Variants in HSF2BP observed in about 807,000 individuals in gnomAD.
HSF2BP encodes heat shock factor 2-binding protein.
HSF2BP carries 35 observed loss-of-function variants against 35.0 expected under a neutral mutation model. The observed-to-expected ratio is 1.00, with a 90% CI of 0.76 to 1.32. The LOEUF (loss-of-function observed/expected upper bound fraction) is 1.32, where lower values mean the gene tolerates loss of function less well. Ranked by LOEUF, HSF2BP falls within the 40% of genes most tolerant of loss-of-function variation. The pLI is 0.00. For synonymous variants in HSF2BP, 114 were observed against 117.4 expected (o/e 0.97, Z 0.18); for missense variants, 326 against 321.7 (o/e 1.01, Z -0.10).
intron 8 of HSF2BP, among the ~76,000 whole-genome samples, chr21:43,587,746 G>A (rs1036812849): frequency 3.6e-4 from 54 of 149,760 alleles, no homozygotes; most frequent in Non-Finnish European, 5.6e-4. Flanking sequence ...AACTTAACAA[G>A]CACCTCATAT....
intron 8 of HSF2BP, among the ~76,000 whole-genome samples, chr21:43,586,921 A>G (rs2081858643): frequency 6.6e-6 from 1 of 151,902 alleles, no homozygotes; most frequent in Non-Finnish European, 1.5e-5. Flanking sequence ...CTTTTCCTCG[A>G]TCTTTTAAAA....
At chr21:43,580,674 T>C (rs547445012) in intron 8 of HSF2BP, among the ~76,000 whole-genome samples, 24 of 152,326 alleles carry the variant, frequency 1.6e-4, no homozygotes, top group Middle Eastern at 3.4e-3. Flanking sequence ...ACTAAAAGGC[T>C]CAACACTGGG....
intron 5 of HSF2BP, among the ~76,000 whole-genome samples, chr21:43,632,893 A>G (rs796086874): frequency 7.6e-6 from 1 of 132,444 alleles, no homozygotes; most frequent in Non-Finnish European, 1.6e-5. Context: ...GTGTGTGTGT[A>G]TGTATAAACA....
At chr21:43,606,798 A>G (rs538853447) in intron 7 of HSF2BP, among the ~76,000 whole-genome samples, 8 of 152,350 alleles carry the variant, frequency 5.3e-5, no homozygotes, top group African/African-American at 1.9e-4. Flanking sequence ...GAAAGGCTGG[A>G]TGTGAAGAGA....
chr21:43,600,316 A>G (rs1210447739), intron 7 of HSF2BP, among the ~76,000 whole-genome samples: 1 of 152,226 alleles, frequency 6.6e-6, no homozygotes, highest in Non-Finnish European at 1.5e-5. Flanking sequence ...ACTAGCAATA[A>G]AAATAAGCAA....
chr21:43,612,171 C>T (rs1044573679), intron 7 of HSF2BP, among the ~76,000 whole-genome samples: 1 of 152,180 alleles, frequency 6.6e-6, no homozygotes. Context: ...TAAACACCAG[C>T]ATTTCCCAAG....
rs554222995 is a variant in HSF2BP, at chr21:43,622,530, A to G, written c.574+7792T>C. ...AAAAAAAACAGGAGTAGCTACATCT[A>G]TATCAGACAAAATAGACTACAAGTC... On this transcript the variant is annotated intron_variant, in intron 6 of 8. Transcript: ENST00000291560. Among the ~76,000 whole-genome samples the G allele has an allele frequency of 1.4e-4, 22 of 152,310 alleles. 1 individual carries two copies. The South Asian group carries it at 3.3e-3, about 23-fold the overall frequency.
At chr21:43,596,836 C>T (rs1295342827) in intron 7 of HSF2BP, among the ~76,000 whole-genome samples, 5 of 147,114 alleles carry the variant, frequency 3.4e-5, no homozygotes, top group African/African-American at 1.0e-4. Flanking sequence ...AGGGTTGTGA[C>T]GGTGCCAGCC....
At chr21:43,656,492 A>G (rs2838340) in intron 3 of HSF2BP, 95 bp downstream of exon 3, 631,659 of 1,167,494 alleles carry the variant, frequency 0.54, 175,058 homozygotes, top group East Asian at 0.65. Flanking sequence ...GGACTGTAAG[A>G]GTACCTTAAA....
chr21:43,650,435 G>A (rs1307396371), intron 3 of HSF2BP, among the ~76,000 whole-genome samples: 2 of 152,054 alleles, frequency 1.3e-5, no homozygotes, highest in South Asian at 2.1e-4. Context: ...TCGATCTCCT[G>A]ACCTCGTGAT....
intron 3 of HSF2BP, among the ~76,000 whole-genome samples, chr21:43,650,331 C>T (rs933954988): frequency 3.3e-5 from 5 of 152,050 alleles, no homozygotes; most frequent in African/African-American, 7.2e-5. Flanking sequence ...CTCAGCCTCC[C>T]GAGTAGCTGG....
chr21:43,579,154 G>A (rs1184332278), intron 8 of HSF2BP, among the ~76,000 whole-genome samples: 1 of 152,204 alleles, frequency 6.6e-6, no homozygotes, highest in Non-Finnish European at 1.5e-5. Context: ...TCAGTTGACT[G>A]TATGCACAGC....
intron 7 of HSF2BP, among the ~76,000 whole-genome samples, chr21:43,605,510 C>T (rs1372325771): frequency 6.8e-6 from 1 of 147,618 alleles, no homozygotes; most frequent in Non-Finnish European, 1.5e-5. Flanking sequence ...CACATATCCC[C>T]CCACGCACCT....
chr21:43,623,312 G>A (rs781567476), intron 6 of HSF2BP, among the ~76,000 whole-genome samples: 8 of 152,034 alleles, frequency 5.3e-5, no homozygotes, highest in African/African-American at 1.9e-4. Flanking sequence ...TGGCAAAAGC[G>A]ATACTAAGAG....
At chr21:43,653,620 G>A (rs1352016651) in intron 3 of HSF2BP, among the ~76,000 whole-genome samples, 1 of 152,186 alleles carries the variant, frequency 6.6e-6, no homozygotes, top group Non-Finnish European at 1.5e-5. Flanking sequence ...TAATGAGTCT[G>A]GGTGGGGTTT....
chr21:43,637,110 G>A (rs931848462), intron 4 of HSF2BP, among the ~76,000 whole-genome samples: 25 of 151,942 alleles, frequency 1.6e-4, no homozygotes, highest in South Asian at 2.1e-4. Flanking sequence ...CCAACATGGC[G>A]AAACCCTGCA....
chr21:43,624,798 A>G (rs1414151695), intron 6 of HSF2BP, among the ~76,000 whole-genome samples: 1 of 152,210 alleles, frequency 6.6e-6, no homozygotes, highest in Non-Finnish European at 1.5e-5. Flanking sequence ...TAGGAAGTTA[A>G]GCAGTTAATC....
At position 43,658,111 on chromosome 21, in the gene HSF2BP, C is replaced by G. The variant is rs1470473885; in HGVS notation, c.-15G>C. On this transcript the variant is annotated 5_prime_UTR_variant, in exon 2 of 9. Coordinates refer to ENST00000291560, the MANE Select transcript of HSF2BP (RefSeq NM_007031.2). ...GCTTCGCCCATGGCCGCTGCCGCCTCCGCTCCGTTCGCCTGAGCGTCGGCG... is the reference window on the plus strand; with the variant it reads ...GCTTCGCCCATGGCCGCTGCCGCCTGCGCTCCGTTCGCCTGAGCGTCGGCG... 5 of 1,528,482 alleles carry G rather than the reference C, an allele frequency of 3.3e-6. No individual in the cohort carries two copies. Among genetic ancestry groups the G allele is most frequent in the East Asian group, 2.5e-5 (1 of 40,602 alleles). 94.7% of individuals were successfully genotyped at this position (1,528,482 alleles called of 1,614,324 possible). A position where few individuals can be genotyped will look rare whatever the true frequency, so the allele number is the denominator to read the frequency against.
chr21:43,505,878 T>C, the HSF2BP span, among the ~76,000 whole-genome samples: 1 of 132,780 alleles, frequency 7.5e-6, no homozygotes, highest in Non-Finnish European at 1.7e-5. Flanking sequence ...GGGTTGTAGG[T>C]CTTTTTTCTT....
Sources: allele counts gnomAD v4.1 joint callset (sites outside exome capture counted in the v4.1 genomes callset), GRCh38; gene constraint gnomAD v4.1.1; transcripts MANE v1.5; gene names NCBI Gene and HGNC (gene_info 2026-07-23, HGNC 2026-07-21).